The following NRG3 variants were observed in gnomAD, a reference collection of about 807,000 sequenced individuals.
NRG3 encodes neuregulin 3.
NRG3 carries 31 observed loss-of-function variants against 66.9 expected under a neutral mutation model. That is an observed-to-expected ratio of 0.46 (90% confidence interval 0.35 to 0.63). The LOEUF (loss-of-function observed/expected upper bound fraction) is 0.63, where lower values mean the gene tolerates loss of function less well. Among genes scored for constraint, NRG3 ranks in the 20% least tolerant of loss-of-function variants. The pLI is 0.00. For synonymous variants in NRG3, 393 were observed against 359.4 expected (o/e 1.09, Z -1.06); for missense variants, 910 against 878.9 (o/e 1.04, Z -0.45).
intron 2 of NRG3, among the ~76,000 whole-genome samples, chr10:82,480,616 A>C (rs1842191560): frequency 1.3e-5 from 2 of 152,276 alleles, no homozygotes; most frequent in South Asian, 4.1e-4. Context: ...GCATCTATTC[A>C]GGTCTGTTTG....
chr10:82,574,658 T>C (rs623754), intron 2 of NRG3, among the ~76,000 whole-genome samples: 12,810 of 151,820 alleles, frequency 0.084, 623 homozygotes, highest in East Asian at 0.15. Flanking sequence ...TAAATGTTTA[T>C]AATTATGTAT....
intron 1 of NRG3, among the ~76,000 whole-genome samples, chr10:82,176,894 C>CACAT (rs2073072921): frequency 1.3e-5 from 2 of 151,138 alleles, no homozygotes. Context: ...CACACACACA[C>CACAT]ACACACACAC....
chr10:82,328,324 A>C (rs1047648640), intron 1 of NRG3, among the ~76,000 whole-genome samples: 1 of 152,220 alleles, frequency 6.6e-6, no homozygotes, highest in East Asian at 1.9e-4. Context: ...CACATCCCTC[A>C]GTGGCTGAAG....
At chr10:82,206,653 G>C (rs2075132939) in intron 1 of NRG3, among the ~76,000 whole-genome samples, 1 of 152,156 alleles carries the variant, frequency 6.6e-6, no homozygotes, top group African/African-American at 2.4e-5. Flanking sequence ...ATATTTGCTT[G>C]CTTTCCTATG....
intron 3 of NRG3, among the ~76,000 whole-genome samples, chr10:82,862,193 C>T (rs1468429180): frequency 6.6e-6 from 1 of 152,148 alleles, no homozygotes; most frequent in African/African-American, 2.4e-5. Context: ...TACCAACAGA[C>T]TGTTAGATGG....
intron 2 of NRG3, among the ~76,000 whole-genome samples, chr10:82,430,863 CT>C (rs2089759482): frequency 6.6e-6 from 1 of 152,126 alleles, no homozygotes; most frequent in South Asian, 2.1e-4. Context: ...CTGGGGATGA[CT>C]TCAATCTTTG....
intron 2 of NRG3, among the ~76,000 whole-genome samples, chr10:82,620,665 CAA>C (rs1344961920): frequency 6.6e-6 from 1 of 152,168 alleles, no homozygotes; most frequent in East Asian, 1.9e-4. Context: ...AGACGTTATT[CAA>C]AAAGAAAGAA....
At chr10:82,783,872 G>A (rs940408523) in intron 3 of NRG3, among the ~76,000 whole-genome samples, 2 of 151,952 alleles carry the variant, frequency 1.3e-5, no homozygotes, top group African/African-American at 4.8e-5. Context: ...AAGTTCATAT[G>A]GAACCAAAAA....
intron 2 of NRG3, among the ~76,000 whole-genome samples, chr10:82,685,055 T>C (rs373822884): frequency 7.9e-5 from 12 of 152,102 alleles, no homozygotes; most frequent in African/African-American, 2.4e-4. Context: ...AAGAAGGCCT[T>C]AGTTTTGAAT....
At position 82,986,264 on chromosome 10, in the gene NRG3, A is replaced by G. The variant is rs1289499972; in HGVS notation, c.*659A>G. The stretch of plus-strand genomic sequence containing the variant: ...ATGAAATTATTACAGAAAAAGAGAC[A>G]AAAAAATCCTTATATCGTGTCACTA... On this transcript the variant is annotated 3_prime_UTR_variant, in exon 9 of 9. Transcript: ENST00000372141. The G allele has an allele frequency of 6.6e-6, 1 of 151,476 alleles. No homozygotes were observed. The highest frequency in any genetic ancestry group is 6.6e-5 in the Admixed American group (1 of 15,260). The allele number at this position is 151,476 out of a possible 1,614,324, so 9.4% of individuals were successfully genotyped here.
At chr10:82,701,723 C>G (rs1192183558) in intron 2 of NRG3, among the ~76,000 whole-genome samples, 1 of 152,102 alleles carries the variant, frequency 6.6e-6, no homozygotes, top group African/African-American at 2.4e-5. Flanking sequence ...GCACTTGATG[C>G]TTTTCTAAGT....
At chr10:81,919,954 T>C (rs1161520059) in intron 1 of NRG3, among the ~76,000 whole-genome samples, 2 of 152,188 alleles carry the variant, frequency 1.3e-5, no homozygotes, top group African/African-American at 2.4e-5. Flanking sequence ...TCCCCGCTAC[T>C]GCTAGCCACA....
chr10:82,189,021 C>T (rs1423068354), intron 1 of NRG3, among the ~76,000 whole-genome samples: 3 of 151,922 alleles, frequency 2.0e-5, no homozygotes, highest in Non-Finnish European at 2.9e-5. Flanking sequence ...TTTTAAAAAG[C>T]CATGAAATAA....
rs144175981 is a variant in NRG3, at chr10:82,961,554, A to C, written c.1284+2479A>C. On this transcript the variant is annotated intron_variant, in intron 6 of 8. Transcript: ENST00000372141. ...TTATAACTCAGTGGTTCTCAACAGA[A>C]GGCAATTTGCCCACCATCCCTTGAC... 5.2e-3 allele frequency among the ~76,000 whole-genome samples: 798 copies of C among 152,346 alleles called. 10 individuals are homozygous for C. The highest frequency in any genetic ancestry group is 0.018 in the African/African-American group (752 of 41,574).
intron 2 of NRG3, among the ~76,000 whole-genome samples, chr10:82,497,615 G>C (rs1445941978): frequency 1.3e-5 from 2 of 151,980 alleles, no homozygotes; most frequent in African/African-American, 4.8e-5. Flanking sequence ...GCATAAAATA[G>C]AACCACACTT....
intron 3 of NRG3, among the ~76,000 whole-genome samples, chr10:82,790,500 C>A (rs766748394): frequency 6.6e-6 from 1 of 152,016 alleles, no homozygotes; most frequent in African/African-American, 2.4e-5. Flanking sequence ...CTTTACAATT[C>A]TCTCATTGTA....
At chr10:82,872,043 G>GGTATATTAGGT (rs1841390653) in intron 4 of NRG3, among the ~76,000 whole-genome samples, 1 of 152,080 alleles carries the variant, frequency 6.6e-6, no homozygotes, top group African/African-American at 2.4e-5. Context: ...ATTAGGTATA[G>GGTATATTAGGT]ATATTTTGTA....
At chr10:82,674,236 G>A (rs2053506246) in intron 2 of NRG3, among the ~76,000 whole-genome samples, 1 of 152,156 alleles carries the variant, frequency 6.6e-6, no homozygotes, top group Non-Finnish European at 1.5e-5. Context: ...TATGGAATTA[G>A]TCATCAAATG....
intron 1 of NRG3, among the ~76,000 whole-genome samples, chr10:82,213,845 C>G (rs2075524533): frequency 6.6e-6 from 1 of 152,126 alleles, no homozygotes; most frequent in African/African-American, 2.4e-5. Flanking sequence ...GTTTTGTTAT[C>G]ATTTTATATA....
Sources: gnomAD v4.1 joint callset for allele counts (sites outside exome capture counted in the v4.1 genomes callset) on GRCh38, gnomAD v4.1.1 for gene constraint, MANE v1.5 for transcripts, NCBI Gene and HGNC (gene_info 2026-07-23, HGNC 2026-07-21) for gene names.